Variants in GOT1 observed in about 807,000 individuals in gnomAD.
GOT1 encodes aspartate aminotransferase, cytoplasmic.
GOT1 carries 25 observed loss-of-function variants against 48.2 expected under a neutral mutation model. The observed-to-expected ratio is 0.52, with a 90% CI of 0.38 to 0.72. The LOEUF (loss-of-function observed/expected upper bound fraction) is 0.72, where lower values mean the gene tolerates loss of function less well. GOT1 is among the 30% of genes least tolerant of loss of function. The pLI, the probability that GOT1 is intolerant of heterozygous loss-of-function variation, is 0.00. For missense variants in GOT1, 380 were observed against 520.1 expected (o/e 0.73, Z 2.62); for synonymous variants, 188 against 193.8 (o/e 0.97, Z 0.25).
intron 1 of GOT1, among the ~76,000 whole-genome samples, chr10:99,422,132 CT>C (rs1439581358): frequency 6.6e-6 from 1 of 152,152 alleles, no homozygotes; most frequent in East Asian, 1.9e-4. Flanking sequence ...TTCTGCCTTG[CT>C]GTTCTTGTGA....
At chr10:99,403,389 A>C in intron 7 of GOT1, 80 bp downstream of exon 7, 1 of 1,142,356 alleles carries the variant, frequency 8.8e-7, no homozygotes, top group Non-Finnish European at 1.3e-6. Flanking sequence ...AATGAAAGGA[A>C]GAGACCCAGT....
At chr10:99,420,483 G>T (rs995634711) in intron 2 of GOT1, 141 bp downstream of exon 2, 1 of 652,068 alleles carries the variant, frequency 1.5e-6, no homozygotes, top group Non-Finnish European at 2.6e-6. Flanking sequence ...GCGCTATCAG[G>T]TTCCTGAACT....
At chr10:99,420,843 A>G (rs1374500504) in intron 1 of GOT1, 38 bp from the exon 2 acceptor site, 1 of 1,514,470 alleles carries the variant, frequency 6.6e-7, no homozygotes, top group South Asian at 1.2e-5. Flanking sequence ...GTGGAGGCTC[A>G]TGCTGTGTCC....
chr10:99,416,666 T>C (rs2032898935), intron 2 of GOT1, among the ~76,000 whole-genome samples: 1 of 152,128 alleles, frequency 6.6e-6, no homozygotes, highest in Non-Finnish European at 1.5e-5. Context: ...TCATGCTACT[T>C]GACTTCAAAC....
At chr10:99,408,873 A>G (rs2032794717) in intron 2 of GOT1, among the ~76,000 whole-genome samples, 1 of 152,204 alleles carries the variant, frequency 6.6e-6, no homozygotes, top group African/African-American at 2.4e-5. Context: ...GAATGTATTC[A>G]TGTATTAGTC....
chr10:99,405,370 A>G (rs1431912672), intron 5 of GOT1, among the ~76,000 whole-genome samples: 2 of 152,222 alleles, frequency 1.3e-5, no homozygotes, highest in African/African-American at 4.8e-5. Context: ...TGACATATCC[A>G]TGAAAGAAAT....
chr10:99,404,666 C>T (rs112590060), intron 5 of GOT1, among the ~76,000 whole-genome samples: 11 of 152,280 alleles, frequency 7.2e-5, no homozygotes, highest in Admixed American at 3.3e-4. Context: ...GACCCATTCC[C>T]TGCTATGACA....
intron 8 of GOT1, among the ~76,000 whole-genome samples, chr10:99,401,998 C>T (rs984329974): frequency 2.0e-5 from 3 of 151,672 alleles, no homozygotes; most frequent in South Asian, 2.1e-4. Flanking sequence ...TTAATAGACA[C>T]GGGGTTTCAC....
intron 2 of GOT1, among the ~76,000 whole-genome samples, chr10:99,409,901 T>G (rs746923083): frequency 6.6e-6 from 1 of 152,258 alleles, no homozygotes; most frequent in Non-Finnish European, 1.5e-5. Flanking sequence ...GGCACTATTA[T>G]GCACCAATGT....
chr10:99,411,613 T>A (rs2134101960), intron 2 of GOT1, among the ~76,000 whole-genome samples: 2 of 152,322 alleles, frequency 1.3e-5, no homozygotes, highest in East Asian at 1.9e-4. Context: ...GCATTTATCA[T>A]CTTTAGTATA....
chr10:99,412,288 A>C (rs1338320366), intron 2 of GOT1, among the ~76,000 whole-genome samples: 1 of 151,158 alleles, frequency 6.6e-6, no homozygotes, highest in Non-Finnish European at 1.5e-5. Flanking sequence ...CTGCATGCCA[A>C]GCTCAAAGTC....
rs561059122 is a variant in GOT1 at position 99,403,073 on chromosome 10, A to G, written c.960-351T>C. Among the ~76,000 whole-genome samples the G allele has an allele frequency of 3.9e-5, 6 of 152,304 alleles. No individual in the cohort carries two copies. The South Asian group carries it at 1.2e-3, about 32-fold the overall frequency. On this transcript the variant is annotated intron_variant, in intron 7 of 8. Transcript: ENST00000370508. ...AAGATTGCAGATTTAGCTACTATAT[A>G]AAAATTACTGTTCTAAAATAAGATA...
At chr10:99,415,995 G>C (rs1232774432) in intron 2 of GOT1, among the ~76,000 whole-genome samples, 1 of 152,128 alleles carries the variant, frequency 6.6e-6, no homozygotes, top group East Asian at 1.9e-4. Context: ...ATACTGAATG[G>C]GCAAAAACTG....
chr10:99,409,608 G>A lies in GOT1; in HGVS notation c.301-2759C>T, dbSNP rs2032806398. 3.9e-5 allele frequency among the ~76,000 whole-genome samples: 6 copies of A among 152,110 alleles called. No homozygotes were observed. The South Asian group carries it at 1.2e-3, about 32-fold the overall frequency. On this transcript the variant is annotated intron_variant, in intron 2 of 8. Coordinates refer to ENST00000370508, the MANE Select transcript of GOT1 (RefSeq NM_002079.3). ...ATTAATGAACAATATTAATCCAGCA[G>A]TACATTAAAATTACCCCCTTGATTG... is the stretch of plus-strand genomic sequence containing the variant.
At chr10:99,400,536 C>T (rs2032659819) in intron 8 of GOT1, among the ~76,000 whole-genome samples, 1 of 152,130 alleles carries the variant, frequency 6.6e-6, no homozygotes, top group African/African-American at 2.4e-5. Context: ...CACTTGGACA[C>T]TGAGGTGGAA....
chr10:99,428,578 G>A (rs550659412), intron 1 of GOT1, among the ~76,000 whole-genome samples: 100 of 152,244 alleles, frequency 6.6e-4, no homozygotes, highest in South Asian at 1.2e-3. Flanking sequence ...GGCTGGTCTC[G>A]AACTCCTGAC....
At chr10:99,407,975 C>G (rs567209101) in intron 2 of GOT1, among the ~76,000 whole-genome samples, 62 of 151,994 alleles carry the variant, frequency 4.1e-4, no homozygotes, top group Non-Finnish European at 8.8e-4. Context: ...TCCCACCCAC[C>G]GATAGGCCCC....
chr10:99,411,197 G>A (rs1020154561), intron 2 of GOT1, among the ~76,000 whole-genome samples: 7 of 152,234 alleles, frequency 4.6e-5, no homozygotes, highest in Non-Finnish European at 8.8e-5. Context: ...CAATCAAAGC[G>A]AGAGTGGGAT....
At chr10:99,428,870 A>G (rs1264971623) in intron 1 of GOT1, among the ~76,000 whole-genome samples, 2 of 152,162 alleles carry the variant, frequency 1.3e-5, no homozygotes, top group African/African-American at 2.4e-5. Context: ...GGGCCAAACT[A>G]TGTAGTACTG....
Sources: gnomAD v4.1 joint callset for allele counts (sites outside exome capture counted in the v4.1 genomes callset) on GRCh38, gnomAD v4.1.1 for gene constraint, MANE v1.5 for transcripts, NCBI Gene and HGNC (gene_info 2026-07-23, HGNC 2026-07-21) for gene names.